The following GRM8 variants were observed in gnomAD, a reference collection of about 807,000 sequenced individuals.
GRM8 encodes glutamate metabotropic receptor 8.
GRM8 carries 47 observed loss-of-function variants against 87.2 expected under a neutral mutation model. The observed-to-expected ratio is 0.54, with a 90% CI of 0.43 to 0.69. GRM8 has a LOEUF of 0.69. Among genes scored for constraint, GRM8 ranks in the 30% least tolerant of loss-of-function variants. The pLI, the probability that GRM8 is intolerant of heterozygous loss-of-function variation, is 0.00. For synonymous variants in GRM8, 396 were observed against 404.5 expected, an observed-to-expected ratio of 0.98 and a Z score of 0.25; for missense variants, 1,019 against 1,139.2, an observed-to-expected ratio of 0.89 and a Z score of 1.52.
rs186357554 is a variant in GRM8, at chr7:126,955,932, T to C, written c.728-51249A>G. 1.9e-3 allele frequency among the ~76,000 whole-genome samples: 293 copies of C among 152,270 alleles called. 2 individuals are homozygous for C. Among genetic ancestry groups the C allele is most frequent in the Non-Finnish European group, 3.8e-3 (255 of 67,994 alleles). On this transcript the variant is annotated intron_variant, in intron 3 of 10. Coordinates refer to ENST00000339582, the MANE Select transcript of GRM8 (RefSeq NM_000845.3). The stretch of plus-strand genomic sequence containing the variant: ...GATTATAGGACTTCTTTTCTAGAGA[T>C]GATATTCCCATTTTAAATGTTTTTT...
chr7:126,948,859 A>G (rs1006398355), intron 3 of GRM8, among the ~76,000 whole-genome samples: 7 of 152,258 alleles, frequency 4.6e-5, no homozygotes, highest in African/African-American at 1.7e-4. Context: ...CAAGAGAAGC[A>G]TGAACTTGGG....
At chr7:126,825,669 A>G (rs925690791) in intron 6 of GRM8, among the ~76,000 whole-genome samples, 2 of 152,184 alleles carry the variant, frequency 1.3e-5, no homozygotes, top group Non-Finnish European at 2.9e-5. Context: ...TCAATTGACA[A>G]CTTACAATAT....
intron 7 of GRM8, among the ~76,000 whole-genome samples, chr7:126,748,093 A>G (rs1400569222): frequency 2.6e-5 from 4 of 152,082 alleles, no homozygotes; most frequent in Non-Finnish European, 5.9e-5. Flanking sequence ...ATGATAAGAA[A>G]AAAGACAAGG....
At position 126,608,549 on chromosome 7, in the gene GRM8, T is replaced by C. The variant is rs547946057; in HGVS notation, c.1494+813A>G. ...CCACTTGTGGAAACTGCAGAATTAA[T>C]GGACACTGGACCTGAAGAGTGCCTG... On this transcript the variant is annotated intron_variant, in intron 8 of 10. Coordinates refer to ENST00000339582, the MANE Select transcript of GRM8 (RefSeq NM_000845.3). 4.3e-4 allele frequency among the ~76,000 whole-genome samples: 66 copies of C among 152,206 alleles called. 1 individual carries two copies. Among genetic ancestry groups the C allele is most frequent in the African/African-American group, 1.5e-3 (61 of 41,558 alleles).
chr7:126,893,572 T>C (rs1283967248), intron 6 of GRM8, among the ~76,000 whole-genome samples: 1 of 152,000 alleles, frequency 6.6e-6, no homozygotes, highest in Admixed American at 6.6e-5. Flanking sequence ...CCATACATTA[T>C]AGACCAATTA....
intron 6 of GRM8, among the ~76,000 whole-genome samples, chr7:126,838,974 T>C (rs1796036243): frequency 6.6e-6 from 1 of 152,196 alleles, no homozygotes; most frequent in South Asian, 2.1e-4. Context: ...AGAACGGCAT[T>C]TGGTATCTGA....
chr7:126,901,747 A>C (rs74517470), intron 6 of GRM8, among the ~76,000 whole-genome samples: 1 of 152,312 alleles, frequency 6.6e-6, no homozygotes, highest in Non-Finnish European at 1.5e-5. Context: ...AGTGTAAAGG[A>C]TTTGTGCATT....
At chr7:126,851,875 A>G (rs1266531121) in intron 6 of GRM8, among the ~76,000 whole-genome samples, 2 of 152,138 alleles carry the variant, frequency 1.3e-5, no homozygotes, top group African/African-American at 4.8e-5. Context: ...TTACCATTTT[A>G]GTGAATTGTT....
In GRM8 at chr7:127,106,630, G is replaced by A; in HGVS notation, c.593C>T (p.Pro198Leu). 6.2e-7 allele frequency: 1 copy of A among 1,614,014 alleles called. No homozygotes were observed. The highest frequency in any genetic ancestry group is 8.5e-7 in the Non-Finnish European group (1 of 1,179,894). The change falls in exon 3 of 11, where the codon CCT becomes CTT. Residue 198 changes from proline (P) to leucine (L), a missense_variant. By Grantham distance (98) the Pro-to-Leu change is moderately conservative. Coordinates refer to ENST00000339582, the MANE Select transcript of GRM8 (RefSeq NM_000845.3). ...CATGGCTTGGGCTTGGTAGGAGTCA[G>A]GCGGAACCACTCGAGAGAAAAAGTC... ...RYDFFSRVVP[P>L]DSYQAQAMVD...
chr7:126,826,405 T>C (rs1311366188), intron 6 of GRM8, among the ~76,000 whole-genome samples: 2 of 152,168 alleles, frequency 1.3e-5, no homozygotes, highest in Admixed American at 6.5e-5. Context: ...TTTTAATGAT[T>C]GCCATTCTAA....
At chr7:127,048,354 C>G (rs1033647083) in intron 3 of GRM8, among the ~76,000 whole-genome samples, 1 of 152,148 alleles carries the variant, frequency 6.6e-6, no homozygotes, top group Admixed American at 6.5e-5. Flanking sequence ...GAGGTGAGAT[C>G]AGAGAGGTTA....
intron 2 of GRM8, among the ~76,000 whole-genome samples, chr7:127,158,097 T>C (rs1471957551): frequency 1.3e-5 from 2 of 152,042 alleles, no homozygotes; most frequent in African/African-American, 4.8e-5. Flanking sequence ...TTTGAGAGAA[T>C]AGAAAAAAAA....
intron 2 of GRM8, among the ~76,000 whole-genome samples, chr7:127,113,939 G>C (rs189345024): frequency 6.6e-6 from 1 of 152,078 alleles, no homozygotes; most frequent in East Asian, 1.9e-4. Context: ...CAACTCTCCC[G>C]ACACTGCCCT....
At chr7:126,651,051 C>G (rs1228131837) in intron 7 of GRM8, among the ~76,000 whole-genome samples, 1 of 152,144 alleles carries the variant, frequency 6.6e-6, no homozygotes, top group Non-Finnish European at 1.5e-5. Context: ...CCTGTTCCAT[C>G]ACGGAAAGGG....
At chr7:126,440,274 T>C (rs952202754) in intron 10 of GRM8, among the ~76,000 whole-genome samples, 1 of 151,630 alleles carries the variant, frequency 6.6e-6, no homozygotes, top group African/African-American at 2.4e-5. Flanking sequence ...TAGCCGAGCA[T>C]AGTGGCACAT....
At chr7:126,802,265 G>A (rs1264855468) in intron 6 of GRM8, among the ~76,000 whole-genome samples, 2 of 152,104 alleles carry the variant, frequency 1.3e-5, no homozygotes, top group African/African-American at 4.8e-5. Context: ...TCAGGGTGAT[G>A]TACTATAGAT....
At chr7:126,844,209 C>T (rs1796514602) in intron 6 of GRM8, among the ~76,000 whole-genome samples, 1 of 152,168 alleles carries the variant, frequency 6.6e-6, no homozygotes, top group Admixed American at 6.5e-5. Flanking sequence ...TTGTACCATT[C>T]CTTTGGGGCA....
chr7:126,867,320 G>A (rs879812408), intron 6 of GRM8, among the ~76,000 whole-genome samples: 4 of 152,142 alleles, frequency 2.6e-5, no homozygotes, highest in Non-Finnish European at 5.9e-5. Context: ...TTCTTACACT[G>A]CCCCGATGCA....
chr7:126,674,287 T>A lies in GRM8; in HGVS notation c.1358-64789A>T, dbSNP rs2151314209. On this transcript the variant is annotated intron_variant, in intron 7 of 10. Transcript: ENST00000339582. Reference sequence around the variant, plus strand: ...TAAAAGGCAGCGTGTTTTTCCCTAGTCATAATCCTTAAATGAAGCTGATAA... The same window carrying A: ...TAAAAGGCAGCGTGTTTTTCCCTAGACATAATCCTTAAATGAAGCTGATAA... Among the ~76,000 whole-genome samples the A allele has an allele frequency of 1.3e-5, 2 of 152,322 alleles. 1 individual carries two copies. Among genetic ancestry groups the A allele is most frequent in the Middle Eastern group, 6.8e-3 (2 of 294 alleles).
Sources: allele counts gnomAD v4.1 joint callset (sites outside exome capture counted in the v4.1 genomes callset), GRCh38; gene constraint gnomAD v4.1.1; transcripts MANE v1.5; gene names NCBI Gene and HGNC (gene_info 2026-07-23, HGNC 2026-07-21).